The following AK9 variants were observed in gnomAD, a reference collection of about 807,000 sequenced individuals.
The protein encoded by AK9 is adenylate kinase 9.
Under a neutral mutation model 239.6 loss-of-function variants are expected in AK9, and 191 were observed. The ratio of observed to expected loss-of-function variants is 0.80; its 90% CI spans 0.71 to 0.90. The LOEUF (loss-of-function observed/expected upper bound fraction) is 0.90. Among genes scored for constraint, AK9 ranks in the 40% least tolerant of loss-of-function variants. The pLI, the probability that AK9 is intolerant of heterozygous loss-of-function variation, is 0.00. For synonymous variants in AK9, 689 were observed against 721.0 expected (o/e 0.96, Z 0.71); for missense variants, 1,995 against 2,214.7 (o/e 0.90, Z 1.99).
At chr6:109,514,194 T>C in intron 32 of AK9, 30 bp downstream of exon 32, 1 of 1,533,966 alleles carries the variant, frequency 6.5e-7, no homozygotes, top group Non-Finnish European at 8.8e-7. Flanking sequence ...CTTTTATGCT[T>C]GAGGAAAACA....
chr6:109,500,061 A>ACACACACACT (rs1554231773), intron 35 of AK9, among the ~76,000 whole-genome samples: 65 of 151,836 alleles, frequency 4.3e-4, no homozygotes, highest in Middle Eastern at 3.4e-3. Context: ...ACACACACAC[A>ACACACACACT]CACACACACA....
chr6:109,497,696 A>G (rs1049696489), intron 37 of AK9, 100 bp downstream of exon 37: 14 of 1,438,104 alleles, frequency 9.7e-6, no homozygotes, highest in Non-Finnish European at 1.3e-5. Flanking sequence ...TTTCCAATTA[A>G]ACAACAGCGA....
chr6:109,639,479 G>A (rs927551036), intron 10 of AK9, among the ~76,000 whole-genome samples: 6 of 152,154 alleles, frequency 3.9e-5, no homozygotes, highest in Non-Finnish European at 8.8e-5. Flanking sequence ...CATATCCTTT[G>A]CCCACTTTTT....
intron 28 of AK9, among the ~76,000 whole-genome samples, chr6:109,531,045 AG>A (rs1374340634): frequency 1.4e-5 from 2 of 139,140 alleles, no homozygotes; most frequent in Admixed American, 7.4e-5. Context: ...CCGTCTCAAA[AG>A]AAAAGAAAAG....
At chr6:109,500,093 C>T (rs80001896) in intron 35 of AK9, among the ~76,000 whole-genome samples, 10,013 of 149,944 alleles carry the variant, frequency 0.067, 612 homozygotes, top group African/African-American at 0.16. Flanking sequence ...TGTGTATACC[C>T]GCACATTTAT....
chr6:109,528,930 T>C (rs1451606311), intron 29 of AK9, 81 bp downstream of exon 29: 1 of 1,558,204 alleles, frequency 6.4e-7, no homozygotes, highest in Non-Finnish European at 8.7e-7. Context: ...GAGGTTGCAG[T>C]GAGCTATGAT....
intron 29 of AK9, among the ~76,000 whole-genome samples, chr6:109,526,355 A>G (rs765006201): frequency 3.2e-4 from 48 of 152,182 alleles, no homozygotes; most frequent in Admixed American, 1.2e-3. Flanking sequence ...GGCAATAGAT[A>G]ATTAAAATGA....
At chr6:109,578,288 C>T (rs1243718162) in intron 20 of AK9, among the ~76,000 whole-genome samples, 2 of 151,312 alleles carry the variant, frequency 1.3e-5, no homozygotes, top group Admixed American at 6.6e-5. Context: ...AGGCTGGTCT[C>T]GAACTCCTGA....
At chr6:109,620,206 T>G (rs1314759246) in intron 12 of AK9, among the ~76,000 whole-genome samples, 1 of 152,126 alleles carries the variant, frequency 6.6e-6, no homozygotes. Context: ...ATGGTAAGTG[T>G]GTAGATAACT....
At position 109,493,431 on chromosome 6, in the gene AK9, C is replaced by G; in HGVS notation, c.5674G>C (p.Asp1892His). Reference protein sequence around the residue: ...KYKEPQFRAIDFDHKLKTFLS... With the variant: ...KYKEPQFRAIHFDHKLKTFLS... ...AAGGTCTTTAACTTATGATCAAAGT[C>G]AATGGCTCTGAACTGAGGTTCCTTG... Residue 1892 changes from aspartate to histidine, a missense_variant, in exon 41 of 41, where the codon GAC (aspartate) becomes CAC (histidine). Physicochemically the swap from Asp to His is moderately conservative, Grantham distance 81. Coordinates refer to ENST00000424296, the MANE Select transcript of AK9 (RefSeq NM_001145128.3). 8 of 1,614,154 alleles carry G rather than the reference C, an allele frequency of 5.0e-6. No homozygotes were observed. Among genetic ancestry groups the G allele is most frequent in the Non-Finnish European group, 4.2e-6 (5 of 1,180,024 alleles).
Position 109,506,514 on chromosome 6 carries a change from A to G in AK9, c.4662T>C (p.Ile1554=). The G allele has an allele frequency of 1.9e-6, 3 of 1,601,368 alleles. No individual in the cohort carries two copies. Among genetic ancestry groups the G allele is most frequent in the Non-Finnish European group, 1.7e-6 (2 of 1,172,182 alleles). ...LPYPLHNSAQ[I]VAVNNVKYRK... is the part of the protein sequence containing the mutation. ...GATACTTTACATTATTGACAGCTAC[A>G]ATTTGTGCACTATTGTGCAATGGAT... Residue 1554 remains isoleucine (I), a synonymous_variant, in exon 35 of 41, where the codon ATT becomes ATC. Coordinates refer to ENST00000424296, the MANE Select transcript of AK9 (RefSeq NM_001145128.3).
At chr6:109,595,420 A>C (rs999508836) in intron 17 of AK9, among the ~76,000 whole-genome samples, 1 of 152,228 alleles carries the variant, frequency 6.6e-6, no homozygotes, top group Non-Finnish European at 1.5e-5. Context: ...AAATTAGTTC[A>C]ACCATTGTGG....
In AK9 at chr6:109,519,595, A is replaced by G. The variant is rs544421614; in HGVS notation, c.3634-2953T>C. Among the ~76,000 whole-genome samples, 3 of 152,154 alleles carry G rather than the reference A, an allele frequency of 2.0e-5. No homozygotes were observed. The East Asian group carries it at 5.8e-4, about 29-fold the overall frequency. ...AGATTGCTTGAGACCAGGAGTTTGA[A>G]AACAGCCTGGGCAAAATGGTTAAAC... On this transcript the variant is annotated intron_variant, in intron 29 of 40. Coordinates refer to ENST00000424296, the MANE Select transcript of AK9 (RefSeq NM_001145128.3).
At chr6:109,567,756 A>G in intron 21 of AK9, among the ~76,000 whole-genome samples, 1 of 122,294 alleles carries the variant, frequency 8.2e-6, no homozygotes. Context: ...GGGGGGAGGG[A>G]CAGCATTAGG....
chr6:109,574,547 C>T (rs1327779211), intron 20 of AK9, among the ~76,000 whole-genome samples: 2 of 151,898 alleles, frequency 1.3e-5, no homozygotes, highest in East Asian at 3.9e-4. Context: ...TGGTTTGTTG[C>T]CTATATTAAT....
intron 3 of AK9, among the ~76,000 whole-genome samples, chr6:109,673,062 T>C (rs926474384): frequency 6.6e-6 from 1 of 152,166 alleles, no homozygotes; most frequent in African/African-American, 2.4e-5. Flanking sequence ...CATCCTGGGA[T>C]AGGAATGACA....
At chr6:109,642,268 C>A (rs926256196) in intron 9 of AK9, among the ~76,000 whole-genome samples, 1 of 152,096 alleles carries the variant, frequency 6.6e-6, no homozygotes, top group Non-Finnish European at 1.5e-5. Context: ...ATGGCAACCC[C>A]AGGAAATTTG....
intron 29 of AK9, among the ~76,000 whole-genome samples, chr6:109,517,217 G>A (rs1779369421): frequency 1.3e-5 from 2 of 152,192 alleles, no homozygotes; most frequent in African/African-American, 4.8e-5. Flanking sequence ...TTTGAAAAAC[G>A]TTCAGTGTGT....
At chr6:109,652,401 T>C (rs971759883) in intron 8 of AK9, among the ~76,000 whole-genome samples, 1 of 152,318 alleles carries the variant, frequency 6.6e-6, no homozygotes, top group African/African-American at 2.4e-5. Context: ...ATGGGATGCA[T>C]CTCAAAATAA....
Sources: gnomAD v4.1 joint callset for allele counts (sites outside exome capture counted in the v4.1 genomes callset) on GRCh38, gnomAD v4.1.1 for gene constraint, MANE v1.5 for transcripts, NCBI Gene and HGNC (gene_info 2026-07-23, HGNC 2026-07-21) for gene names.